The following ARHGEF12 variants were observed in gnomAD, a reference collection of about 807,000 sequenced individuals.
ARHGEF12 encodes Rho guanine nucleotide exchange factor 12.
ARHGEF12 carries 66 observed loss-of-function variants against 211.2 expected under a neutral mutation model. That is an observed-to-expected ratio of 0.31 (90% CI 0.26 to 0.38). The LOEUF is 0.38. ARHGEF12 is among the 10% of genes least tolerant of loss of function. ARHGEF12 has a pLI of 1.00. For missense variants in ARHGEF12, 1,429 were observed against 1,869.5 expected, an observed-to-expected ratio of 0.76 and a Z score of 4.34; for synonymous variants, 592 against 638.4, an observed-to-expected ratio of 0.93 and a Z score of 1.09.
chr11:120,485,081 C>A lies in ARHGEF12; in HGVS notation c.*4C>A, dbSNP rs1480831164. The A allele has an allele frequency of 6.2e-7, 1 of 1,613,498 alleles. No individual in the cohort carries two copies. Among genetic ancestry groups the A allele is most frequent in the South Asian group, 1.1e-5 (1 of 91,002 alleles). On this transcript the variant is annotated 3_prime_UTR_variant, in exon 41 of 41. Transcript: ENST00000397843. ...ATTCTTCTCAGATAAAAGTTAGAGC[C>A]GCATGTCCTGGAGGTGACTGCAGGT...
chr11:120,450,551 A>T (rs1215518130), intron 21 of ARHGEF12: 2 of 152,124 alleles, frequency 1.3e-5, no homozygotes, highest in Non-Finnish European at 2.9e-5. Context: ...GATTTCACAG[A>T]TGCTAACCGT....
intron 1 of ARHGEF12, among the ~76,000 whole-genome samples, chr11:120,398,571 GT>G (rs201216645): frequency 6.6e-6 from 1 of 151,824 alleles, no homozygotes; most frequent in Admixed American, 6.6e-5. Context: ...CAGAAAGTGT[GT>G]TTTTTTTGTG....
chr11:120,384,463 C>T (rs1379590475), intron 1 of ARHGEF12, among the ~76,000 whole-genome samples: 1 of 152,180 alleles, frequency 6.6e-6, no homozygotes, highest in East Asian at 1.9e-4. Context: ...TGGGTTGATG[C>T]TTCAGAAAAG....
At chr11:120,473,153 A>T (rs985142515) in intron 31 of ARHGEF12, 26 bp downstream of exon 31, 45 of 1,601,452 alleles carry the variant, frequency 2.8e-5, no homozygotes, top group Admixed American at 1.0e-4. Flanking sequence ...ATCATAATTT[A>T]AAAAATAAAA....
In ARHGEF12 at chr11:120,481,336, C is replaced by G; in HGVS notation, c.4314C>G (p.Thr1438=). ...STDEEVASSL[T]LQPMTGIPAV... ...ATGAGGAGGTTGCTTCCTCACTTAC[C>G]CTGCAGCCCATGACAGGCATCCCTG... The change falls in exon 39 of 41, where the codon ACC becomes ACG. Residue 1438 remains threonine, a synonymous_variant. Coordinates refer to ENST00000397843, the MANE Select transcript of ARHGEF12 (RefSeq NM_015313.3). 1 of 1,614,144 alleles carries G rather than the reference C, an allele frequency of 6.2e-7. No individual in the cohort carries two copies. Among genetic ancestry groups the G allele is most frequent in the South Asian group, 1.1e-5 (1 of 91,078 alleles).
rs34619240 is a variant in ARHGEF12, at chr11:120,345,701, C to CAAAAA, written c.32+8442_32+8446dup. On this transcript the variant is annotated intron_variant, in intron 1 of 40. Coordinates refer to ENST00000397843, the MANE Select transcript of ARHGEF12 (RefSeq NM_015313.3). ...CTGGGCACAGAGCGAGACTCCGTCT[C>CAAAAA]AAAAAAAAAAAAAAAAAAAACGAAA... Among the ~76,000 whole-genome samples, 131 of 78,300 alleles carry CAAAAA rather than the reference C, an allele frequency of 1.7e-3. 5 individuals carry two copies. The highest frequency in any genetic ancestry group is 0.015 in the East Asian group (28 of 1,844). 51.4% of individuals were successfully genotyped at this position (78,300 alleles called of 152,430 possible).
chr11:120,467,056 A>G (rs1233466717), intron 28 of ARHGEF12, 138 bp from the exon 29 acceptor site: 1 of 576,754 alleles, frequency 1.7e-6, no homozygotes, highest in Admixed American at 3.3e-5. Context: ...TATTGTGGCA[A>G]TGATATATCT....
chr11:120,344,953 C>CT (rs1491173871), intron 1 of ARHGEF12, among the ~76,000 whole-genome samples: 7 of 152,112 alleles, frequency 4.6e-5, no homozygotes, highest in African/African-American at 1.7e-4. Context: ...AATTTTTCCC[C>CT]TTTTTTTCCT....
chr11:120,478,060 T>G, intron 36 of ARHGEF12, 96 bp from the exon 37 acceptor site: 3 of 806,638 alleles, frequency 3.7e-6, no homozygotes, highest in Non-Finnish European at 3.8e-6. Flanking sequence ...AGTTTATGGA[T>G]TGTTTTTTTT....
intron 15 of ARHGEF12, among the ~76,000 whole-genome samples, chr11:120,442,453 CACAT>C (rs1291654471): frequency 8.7e-4 from 121 of 139,716 alleles, no homozygotes; most frequent in African/African-American, 3.0e-3. Context: ...CACACACACA[CACAT>C]ATATATACAC....
At chr11:120,397,696 T>C (rs1051851035) in intron 1 of ARHGEF12, among the ~76,000 whole-genome samples, 5 of 152,030 alleles carry the variant, frequency 3.3e-5, no homozygotes, top group African/African-American at 1.2e-4. Context: ...GTGGGAAGTC[T>C]AGAGCCCCAT....
intron 4 of ARHGEF12, among the ~76,000 whole-genome samples, chr11:120,412,105 C>G (rs760089879): frequency 6.6e-6 from 1 of 152,140 alleles, no homozygotes; most frequent in Non-Finnish European, 1.5e-5. Flanking sequence ...CCCTTTCTAC[C>G]TGTTAGAGTC....
chr11:120,352,251 T>C (rs534562264), intron 1 of ARHGEF12, among the ~76,000 whole-genome samples: 55 of 152,348 alleles, frequency 3.6e-4, no homozygotes, highest in African/African-American at 1.3e-3. Context: ...TTGCTTTAAA[T>C]ATATACACAT....
intron 1 of ARHGEF12, chr11:120,385,539 G>T (rs774297400): frequency 1.3e-5 from 13 of 965,606 alleles, no homozygotes; most frequent in Non-Finnish European, 1.6e-5. Flanking sequence ...GGAGCAAAAT[G>T]GTAGAAAAAT....
intron 4 of ARHGEF12, 129 bp downstream of exon 4, chr11:120,409,579 G>A (rs1428085528): frequency 8.8e-6 from 8 of 910,970 alleles, no homozygotes; most frequent in Non-Finnish European, 1.3e-5. Context: ...GCTGTGCATG[G>A]CATGATCTAC....
At chr11:120,475,880 T>A (rs1413568649) in intron 33 of ARHGEF12, 2 of 161,632 alleles carry the variant, frequency 1.2e-5, no homozygotes, top group Admixed American at 6.4e-5. Context: ...CAAATTTGAC[T>A]GGCAAGTTAT....
intron 36 of ARHGEF12, 176 bp downstream of exon 36, chr11:120,477,702 TAA>T (rs1163461670): frequency 1.9e-6 from 1 of 525,544 alleles, no homozygotes; most frequent in Admixed American, 3.6e-5. Flanking sequence ...CTGTCTCTAC[TAA>T]AAAATACAAA....
intron 1 of ARHGEF12, among the ~76,000 whole-genome samples, chr11:120,346,830 C>G (rs577321358): frequency 1.3e-5 from 2 of 152,104 alleles, no homozygotes; most frequent in Non-Finnish European, 2.9e-5. Flanking sequence ...TTCTTTCCCC[C>G]CTTCTCACTA....
chr11:120,369,039 A>G (rs897550799), intron 1 of ARHGEF12, among the ~76,000 whole-genome samples: 45 of 151,640 alleles, frequency 3.0e-4, no homozygotes, highest in African/African-American at 8.7e-4. Flanking sequence ...TTTTGTCCTT[A>G]GTGTCTGGCT....
Sources: allele counts gnomAD v4.1 joint callset (sites outside exome capture counted in the v4.1 genomes callset), GRCh38; gene constraint gnomAD v4.1.1; transcripts MANE v1.5; gene names NCBI Gene and HGNC (gene_info 2026-07-23, HGNC 2026-07-21).